PTCHD1: variants seen among roughly 807,000 people sequenced by gnomAD.
The protein encoded by PTCHD1 is patched domain-containing protein 1.
In PTCHD1, 3 loss-of-function variants were observed where a neutral mutation model predicts 34.6. That is an observed-to-expected ratio of 0.09 (90% CI 0.04 to 0.22). The LOEUF (loss-of-function observed/expected upper bound fraction) is 0.22, where lower values mean the gene tolerates loss of function less well. Among genes scored for constraint, PTCHD1 ranks in the 10% least tolerant of loss-of-function variants. PTCHD1 has a pLI of 1.00. For synonymous variants in PTCHD1, 305 were observed against 283.1 expected (o/e 1.08, Z -0.77); for missense variants, 504 against 685.5 (o/e 0.74, Z 2.96).
At chrX:23,386,629 A>G (rs1240111908) in intron 2 of PTCHD1, among the ~76,000 whole-genome samples, 1 of 112,799 alleles carries the variant, frequency 8.9e-6, no homozygotes, top group African/African-American at 3.2e-5. Flanking sequence ...TCATGAATTT[A>G]TGTGGATGAC....
intron 1 of PTCHD1, among the ~76,000 whole-genome samples, chrX:23,370,019 C>G (rs1177219257): frequency 8.9e-6 from 1 of 112,434 alleles, no homozygotes; most frequent in Non-Finnish European, 1.9e-5. Flanking sequence ...AGACAAGACA[C>G]AACAGAAGAT....
chrX:23,337,748 C>T (rs776123250), intron 1 of PTCHD1, among the ~76,000 whole-genome samples: 24 of 111,337 alleles, frequency 2.2e-4, no homozygotes, highest in South Asian at 7.8e-4. Flanking sequence ...AGAGCATGAG[C>T]AGGTCTGAGG....
chrX:23,395,111 A>G lies in PTCHD1; in HGVS notation c.*926A>G, dbSNP rs543304742. 4 of 112,322 alleles carry G rather than the reference A, an allele frequency of 3.6e-5. No homozygotes were observed. Among genetic ancestry groups the G allele is most frequent in the Middle Eastern group, 4.6e-3 (1 of 219 alleles). The allele number at this position is 112,322 out of a possible 1,213,427, so 9.3% of individuals were successfully genotyped here. A position where few individuals can be genotyped will look rare whatever the true frequency, so the allele number is the denominator to read the frequency against. ...AGCAGGTGTCTACTTGGACCCAGAT[A>G]TAGTGTCTCCATTTTAACAACAACA... On this transcript the variant is annotated 3_prime_UTR_variant, in exon 3 of 3. Transcript: ENST00000379361.
intron 2 of PTCHD1, among the ~76,000 whole-genome samples, chrX:23,387,476 T>C (rs774717043): frequency 3.6e-5 from 4 of 112,269 alleles, no homozygotes; most frequent in Non-Finnish European, 7.5e-5. Context: ...TAACAACACA[T>C]TCAGATATAA....
At chrX:23,365,881 G>T (rs1350817105) in intron 1 of PTCHD1, among the ~76,000 whole-genome samples, 3 of 112,290 alleles carry the variant, frequency 2.7e-5, no homozygotes, top group African/African-American at 9.7e-5. Flanking sequence ...AATTGGCCAG[G>T]AACTTCTCTG....
intron 2 of PTCHD1, 185 bp downstream of exon 2, chrX:23,380,436 G>C (rs1601914485): frequency 2.0e-6 from 1 of 506,124 alleles, no homozygotes; most frequent in Non-Finnish European, 3.5e-6. Context: ...TCTGGTAAAT[G>C]TGCCAGAAGT....
intron 1 of PTCHD1, among the ~76,000 whole-genome samples, chrX:23,343,561 G>A (rs1921399523): frequency 8.9e-6 from 1 of 112,433 alleles, no homozygotes; most frequent in Non-Finnish European, 1.9e-5. Context: ...CCTGACCATA[G>A]CACCAGTGTT....
chrX:23,365,444 A>C (rs1314376338), intron 1 of PTCHD1, among the ~76,000 whole-genome samples: 1 of 111,112 alleles, frequency 9.0e-6, no homozygotes, highest in Non-Finnish European at 1.9e-5. Flanking sequence ...ACAAGAAATC[A>C]AGTAAAGGCA....
chrX:23,380,353 A>G, intron 2 of PTCHD1, 102 bp downstream of exon 2: 1 of 825,385 alleles, frequency 1.2e-6, no homozygotes, highest in Non-Finnish European at 1.8e-6. Context: ...TTCATTTAAC[A>G]GTATCTTCAT....
At chrX:23,381,380 A>G (rs1922560721) in intron 2 of PTCHD1, among the ~76,000 whole-genome samples, 1 of 112,724 alleles carries the variant, frequency 8.9e-6, no homozygotes, top group Non-Finnish European at 1.9e-5. Context: ...CCCCTTTTCT[A>G]TGGTAGCTTC....
At chrX:23,359,202 G>A (rs1178455966) in intron 1 of PTCHD1, among the ~76,000 whole-genome samples, 6 of 112,404 alleles carry the variant, frequency 5.3e-5, no homozygotes, top group Non-Finnish European at 9.4e-5. Flanking sequence ...TTGGTAGCTT[G>A]ATGGGGATGG....
chrX:23,385,514 C>G (rs1358577931), intron 2 of PTCHD1, among the ~76,000 whole-genome samples: 1 of 111,372 alleles, frequency 9.0e-6, no homozygotes, highest in African/African-American at 3.3e-5. Flanking sequence ...GAGGCAACAT[C>G]AGGACACTGA....
At chrX:23,353,916 T>G (rs1429091435) in intron 1 of PTCHD1, among the ~76,000 whole-genome samples, 1 of 111,718 alleles carries the variant, frequency 9.0e-6, no homozygotes, top group Non-Finnish European at 1.9e-5. Context: ...TTGAGAGATT[T>G]GGGAGGCAAA....
chrX:23,336,049 C>A (rs1036416899), intron 1 of PTCHD1, among the ~76,000 whole-genome samples: 1 of 110,661 alleles, frequency 9.0e-6, no homozygotes, highest in Non-Finnish European at 1.9e-5. Context: ...CTGTGTGACC[C>A]CGAGAAGAGC....
chrX:23,346,752 G>A (rs1007141392), intron 1 of PTCHD1, among the ~76,000 whole-genome samples: 1 of 111,804 alleles, frequency 8.9e-6, no homozygotes, highest in Admixed American at 9.4e-5. Context: ...CCACAGGGAG[G>A]ACCCTGGCAA....
rs751116310 is a variant in PTCHD1 at position 23,334,871 on chromosome X, C to T, written c.-5C>T. On this transcript the variant is annotated 5_prime_UTR_variant, in exon 1 of 3. Coordinates refer to ENST00000379361, the MANE Select transcript of PTCHD1 (RefSeq NM_173495.3). ...GCCCTCCTCCCGCGCCCGCTCTGCT[C>T]TAGGATGCTGCGGCAGGTTCTGCAC... 1.7e-6 allele frequency: 2 copies of T among 1,188,345 alleles called. No homozygotes were observed. Among genetic ancestry groups the T allele is most frequent in the Non-Finnish European group, 2.3e-6 (2 of 882,590 alleles).
At chrX:23,358,069 T>G (rs1921858588) in intron 1 of PTCHD1, among the ~76,000 whole-genome samples, 1 of 112,093 alleles carries the variant, frequency 8.9e-6, no homozygotes, top group Admixed American at 9.4e-5. Flanking sequence ...TGATGGACAT[T>G]TGGGTTGGTT....
chrX:23,340,949 G>A (rs757255530), intron 1 of PTCHD1, among the ~76,000 whole-genome samples: 19 of 112,334 alleles, frequency 1.7e-4, no homozygotes, highest in African/African-American at 5.8e-4. Flanking sequence ...GACTGAGATC[G>A]GTTTTCATTC....
At chrX:23,391,637 G>C (rs1922830400) in intron 2 of PTCHD1, among the ~76,000 whole-genome samples, 1 of 110,997 alleles carries the variant, frequency 9.0e-6, no homozygotes, top group Non-Finnish European at 1.9e-5. Flanking sequence ...AAACCCTCTA[G>C]TTGGCAAATT....
Sources: allele counts gnomAD v4.1 joint callset (sites outside exome capture counted in the v4.1 genomes callset), GRCh38; gene constraint gnomAD v4.1.1; transcripts MANE v1.5; gene names NCBI Gene and HGNC (gene_info 2026-07-23, HGNC 2026-07-21).